The following RORA variants were observed in gnomAD, a reference collection of about 807,000 sequenced individuals.
RORA encodes the protein RAR related orphan receptor A.
In RORA, 7 loss-of-function variants were observed where a neutral mutation model predicts 69.5. The observed-to-expected ratio is 0.10, with a 90% CI of 0.06 to 0.19. The LOEUF is 0.19. Among genes scored for constraint, RORA ranks in the 10% least tolerant of loss-of-function variants. The pLI is 1.00. For missense variants in RORA, 457 were observed against 663.0 expected (o/e 0.69, Z 3.41); for synonymous variants, 261 against 240.8 (o/e 1.08, Z -0.78).
At chr15:60,929,935 TG>T (rs1411061961) in intron 1 of RORA, among the ~76,000 whole-genome samples, 2 of 152,100 alleles carry the variant, frequency 1.3e-5, no homozygotes, top group Non-Finnish European at 2.9e-5. Context: ...GAGCACATTT[TG>T]GATCAACACG....
intron 1 of RORA, among the ~76,000 whole-genome samples, chr15:61,181,632 C>T (rs2079686525): frequency 9.6e-6 from 1 of 104,702 alleles, no homozygotes; most frequent in African/African-American, 3.7e-5. Context: ...CAAGCATTGT[C>T]ATTAGCAGAA....
intron 2 of RORA, among the ~76,000 whole-genome samples, chr15:60,552,392 C>T (rs2067249472): frequency 6.6e-6 from 1 of 152,182 alleles, no homozygotes; most frequent in South Asian, 2.1e-4. Flanking sequence ...CTATGAATAC[C>T]TGCATTCATT....
chr15:60,517,294 T>G (rs958372216), intron 3 of RORA, among the ~76,000 whole-genome samples: 4 of 151,888 alleles, frequency 2.6e-5, no homozygotes, highest in Admixed American at 2.6e-4. Flanking sequence ...GACCCTGACT[T>G]CTCACTCCTC....
At chr15:60,505,372 T>A in intron 6 of RORA, 136 bp downstream of exon 6, 1 of 900,562 alleles carries the variant, frequency 1.1e-6, no homozygotes. Flanking sequence ...ATTAGTAGCT[T>A]CAGAAAAAAG....
intron 2 of RORA, chr15:60,544,913 G>A (rs2067020079): frequency 6.6e-6 from 1 of 152,262 alleles, no homozygotes; most frequent in South Asian, 2.1e-4. Flanking sequence ...GCCAAGTCAA[G>A]GACCATCAGG....
intron 2 of RORA, chr15:60,592,397 T>A: frequency 7.0e-7 from 1 of 1,435,830 alleles, no homozygotes; most frequent in Non-Finnish European, 9.2e-7. Flanking sequence ...CTTTCATCGC[T>A]GCGATCACAA....
chr15:60,648,463 G>A lies in RORA; in HGVS notation c.196+30194C>T, dbSNP rs529405906. ...ATGCTGGACATACTTTATCCAAAGC[G>A]TTATAACTGGTCTTCCACAAGCCTA... On this transcript the variant is annotated intron_variant, in intron 2 of 10. Coordinates refer to ENST00000335670, the MANE Select transcript of RORA (RefSeq NM_134261.3). Among the ~76,000 whole-genome samples the A allele has an allele frequency of 5.3e-5, 8 of 152,330 alleles. 1 individual carries two copies. In the South Asian group the frequency reaches 1.2e-3, roughly 24 times the overall value.
At chr15:61,201,581 T>C (rs2079895761) in intron 1 of RORA, among the ~76,000 whole-genome samples, 1 of 152,182 alleles carries the variant, frequency 6.6e-6, no homozygotes, top group Admixed American at 6.6e-5. Flanking sequence ...CATTGCACAT[T>C]AACTCAAATT....
chr15:60,705,100 C>T (rs755589965), intron 1 of RORA, among the ~76,000 whole-genome samples: 20 of 147,584 alleles, frequency 1.4e-4, no homozygotes, highest in Non-Finnish European at 1.9e-4. Context: ...GTAAGAGTAT[C>T]GTTCTCATTA....
At chr15:60,621,214 AT>A (rs1467514356) in intron 2 of RORA, among the ~76,000 whole-genome samples, 1 of 151,366 alleles carries the variant, frequency 6.6e-6, no homozygotes, top group Non-Finnish European at 1.5e-5. Flanking sequence ...ATATATATAT[AT>A]TTTTTAAGAA....
intron 1 of RORA, among the ~76,000 whole-genome samples, chr15:60,885,372 C>T (rs1175597155): frequency 6.6e-6 from 1 of 152,208 alleles, no homozygotes; most frequent in Non-Finnish European, 1.5e-5. Flanking sequence ...ACCAGATATA[C>T]AAGTATTGCC....
At chr15:61,060,115 T>C (rs1368092411) in intron 1 of RORA, among the ~76,000 whole-genome samples, 1 of 152,142 alleles carries the variant, frequency 6.6e-6, no homozygotes, top group Non-Finnish European at 1.5e-5. Flanking sequence ...TCCGTATTAT[T>C]TGATTTATCT....
chr15:60,971,617 G>A (rs1261952534), intron 1 of RORA, among the ~76,000 whole-genome samples: 5 of 151,886 alleles, frequency 3.3e-5, no homozygotes, highest in South Asian at 2.1e-4. Flanking sequence ...TATCATTCTC[G>A]ACCTCAGAAC....
intron 1 of RORA, among the ~76,000 whole-genome samples, chr15:60,767,788 C>G (rs1358923368): frequency 6.6e-6 from 1 of 152,174 alleles, no homozygotes; most frequent in Admixed American, 6.5e-5. Context: ...TTGTTAGTTC[C>G]TTTATGAAGA....
intron 1 of RORA, among the ~76,000 whole-genome samples, chr15:60,907,129 T>TATCATCATCACCACCATC (rs1333369304): frequency 6.6e-6 from 1 of 152,048 alleles, no homozygotes; most frequent in African/African-American, 2.4e-5. Flanking sequence ...CCACCAACAT[T>TATCATCATCACCACCATC]ATCATCATCA....
At chr15:60,519,159 G>A (rs1475659246) in intron 3 of RORA, among the ~76,000 whole-genome samples, 1 of 152,130 alleles carries the variant, frequency 6.6e-6, no homozygotes, top group Non-Finnish European at 1.5e-5. Flanking sequence ...AGGCTAAGGG[G>A]GGACTACTGT....
At chr15:60,856,163 A>C (rs1407280143) in intron 1 of RORA, among the ~76,000 whole-genome samples, 1 of 152,176 alleles carries the variant, frequency 6.6e-6, no homozygotes, top group Non-Finnish European at 1.5e-5. Context: ...AACTGGGGAA[A>C]CTGATGAAGT....
rs2073753417 is a variant in RORA at position 60,886,655 on chromosome 15, A to G, written c.167-207969T>C. Among the ~76,000 whole-genome samples the G allele has an allele frequency of 2.6e-5, 4 of 152,248 alleles. No individual in the cohort carries two copies. The South Asian group carries it at 8.3e-4, about 32-fold the overall frequency. On this transcript the variant is annotated intron_variant, in intron 1 of 10. Transcript: ENST00000335670. ...TTTGATCTCCATCTGAGGTGGGTCT[A>G]ACAGTAATGAAAAAAGCAACTTTTC...
intron 1 of RORA, among the ~76,000 whole-genome samples, chr15:60,885,876 G>A (rs1322788337): frequency 6.6e-6 from 1 of 152,228 alleles, no homozygotes; most frequent in African/African-American, 2.4e-5. Flanking sequence ...GAAAGCAAAT[G>A]TGAAGCACGG....
Sources: allele counts gnomAD v4.1 joint callset (sites outside exome capture counted in the v4.1 genomes callset), GRCh38; gene constraint gnomAD v4.1.1; transcripts MANE v1.5; gene names NCBI Gene and HGNC (gene_info 2026-07-23, HGNC 2026-07-21).